The following CNTNAP5 variants were observed in gnomAD, a reference collection of about 807,000 sequenced individuals.
CNTNAP5 encodes contactin associated protein family member 5.
CNTNAP5 carries 72 observed loss-of-function variants against 150.2 expected under a neutral mutation model. The ratio of observed to expected loss-of-function variants is 0.48; its 90% CI spans 0.40 to 0.58. The LOEUF (loss-of-function observed/expected upper bound fraction) is 0.58, where lower values mean the gene tolerates loss of function less well. Ranked by LOEUF, CNTNAP5 falls within the 20% of genes least tolerant of loss-of-function variation. The pLI is 0.00. For missense variants in CNTNAP5, 1,636 were observed against 1,626.2 expected, an observed-to-expected ratio of 1.01 and a Z score of -0.10; for synonymous variants, 672 against 619.8, an observed-to-expected ratio of 1.08 and a Z score of -1.25.
rs144701157 is a variant in CNTNAP5, at chr2:124,751,684, G to T, written c.2234+4299G>T. Among the ~76,000 whole-genome samples the T allele has an allele frequency of 1.5e-3, 223 of 152,298 alleles. 1 individual carries two copies. The highest frequency in any genetic ancestry group is 4.8e-3 in the African/African-American group (201 of 41,562). ...TCAGTGGTGCTCTGTGTGCCTCAGA[G>T]AAACTTTGGATATTCTTGCCTTGTA... On this transcript the variant is annotated intron_variant, in intron 14 of 23. Transcript: ENST00000682447.
In CNTNAP5 at chr2:124,524,347, G is replaced by A. The variant is rs779684862; in HGVS notation, c.1372G>A (p.Ala458Thr). The part of the protein sequence containing the change: ...DGLWHSVSIN[A>T]RRNRITLTLD... Reference sequence around the variant, plus strand: ...CCTGTGGCACTCGGTTAGCATCAACGCCAGGAGGAACCGCATCACGCTCAC... The same window carrying A: ...CCTGTGGCACTCGGTTAGCATCAACACCAGGAGGAACCGCATCACGCTCAC... The change falls in exon 9 of 24, where the codon GCC becomes ACC. Residue 458 changes from alanine to threonine, a missense_variant. By Grantham distance (58) the Ala-to-Thr change is moderately conservative. Transcript: ENST00000682447. The A allele has an allele frequency of 4.3e-6, 7 of 1,613,686 alleles. No individual in the cohort carries two copies. The highest frequency in any genetic ancestry group is 2.7e-5 in the African/African-American group (2 of 74,896).
intron 13 of CNTNAP5, among the ~76,000 whole-genome samples, chr2:124,726,296 G>A (rs1044718808): frequency 7.2e-5 from 11 of 152,152 alleles, no homozygotes; most frequent in African/African-American, 2.7e-4. Flanking sequence ...GAAGGACCTG[G>A]TAAGAGGTGA....
intron 20 of CNTNAP5, among the ~76,000 whole-genome samples, chr2:124,867,964 G>C (rs1243352611): frequency 6.6e-6 from 1 of 152,166 alleles, no homozygotes; most frequent in Non-Finnish European, 1.5e-5. Flanking sequence ...GTTAGTGGCA[G>C]CTTCATTTTT....
intron 3 of CNTNAP5, among the ~76,000 whole-genome samples, chr2:124,264,935 C>A (rs1211660035): frequency 6.6e-6 from 1 of 152,184 alleles, no homozygotes; most frequent in African/African-American, 2.4e-5. Context: ...TGCGACATTT[C>A]CTTTTCCCAA....
At chr2:124,240,863 A>G (rs1686868153) in intron 2 of CNTNAP5, among the ~76,000 whole-genome samples, 1 of 152,134 alleles carries the variant, frequency 6.6e-6, no homozygotes, top group African/African-American at 2.4e-5. Flanking sequence ...ACTCTGCAGG[A>G]GGAGCTGGGG....
In CNTNAP5 at chr2:124,920,865, T is replaced by G. The variant is rs1348290479; in HGVS notation, c.*6577T>G. ...AATGAGAAAGAGTGGGGAGGGTATT[T>G]CAACAAGTAATAAATTGCAGAATAC... is the stretch of plus-strand genomic sequence containing the variant. On this transcript the variant is annotated 3_prime_UTR_variant, in exon 24 of 24. Transcript: ENST00000682447. Among the ~76,000 whole-genome samples the G allele has an allele frequency of 6.6e-6, 1 of 152,086 alleles. No individual in the cohort carries two copies. The highest frequency in any genetic ancestry group is 1.5e-5 in the Non-Finnish European group (1 of 68,008).
At chr2:124,636,285 T>G (rs2105014667) in intron 12 of CNTNAP5, among the ~76,000 whole-genome samples, 1 of 152,300 alleles carries the variant, frequency 6.6e-6, no homozygotes, top group African/African-American at 2.4e-5. Context: ...GTGAAGCTTC[T>G]ATGAGGTAAT....
chr2:124,132,832 A>G (rs1302998245), intron 1 of CNTNAP5, among the ~76,000 whole-genome samples: 1 of 152,052 alleles, frequency 6.6e-6, no homozygotes, highest in Non-Finnish European at 1.5e-5. Context: ...CATGTTCAAT[A>G]CTGTTCAATC....
chr2:124,855,243 T>C (rs1208795088), intron 19 of CNTNAP5, among the ~76,000 whole-genome samples: 2 of 139,054 alleles, frequency 1.4e-5, no homozygotes, highest in Non-Finnish European at 3.1e-5. Context: ...AATGGCACAA[T>C]CTTGGCTCAC....
intron 3 of CNTNAP5, among the ~76,000 whole-genome samples, chr2:124,397,821 G>A (rs1172340995): frequency 6.6e-6 from 1 of 152,136 alleles, no homozygotes; most frequent in African/African-American, 2.4e-5. Flanking sequence ...TGCACATGCA[G>A]CCAGCGATCC....
At chr2:124,811,008 G>A (rs1005595208) in intron 19 of CNTNAP5, among the ~76,000 whole-genome samples, 2 of 150,726 alleles carry the variant, frequency 1.3e-5, no homozygotes, top group Non-Finnish European at 3.0e-5. Context: ...AAGAAAACAG[G>A]CCATTTGGAA....
chr2:124,509,752 T>C (rs1694512966), intron 8 of CNTNAP5, among the ~76,000 whole-genome samples: 1 of 152,208 alleles, frequency 6.6e-6, no homozygotes, highest in African/African-American at 2.4e-5. Context: ...CTTTTACATC[T>C]ATAGATAATC....
At chr2:124,654,005 G>A (rs913961183) in intron 13 of CNTNAP5, among the ~76,000 whole-genome samples, 1 of 150,558 alleles carries the variant, frequency 6.6e-6, no homozygotes, top group Non-Finnish European at 1.5e-5. Flanking sequence ...CAGTGGATGT[G>A]GGGAGCTGCA....
chr2:124,560,402 C>G (rs1214153307), intron 10 of CNTNAP5, among the ~76,000 whole-genome samples: 1 of 151,696 alleles, frequency 6.6e-6, no homozygotes, highest in Admixed American at 6.6e-5. Context: ...TCCTGTAATC[C>G]CAGCTACTCG....
intron 14 of CNTNAP5, among the ~76,000 whole-genome samples, chr2:124,756,947 G>T (rs960278415): frequency 2.0e-5 from 3 of 152,014 alleles, no homozygotes; most frequent in Non-Finnish European, 4.4e-5. Context: ...AAAAAGAAAA[G>T]AAACTAAAGG....
At chr2:124,712,060 T>TG (rs1395967470) in intron 13 of CNTNAP5, among the ~76,000 whole-genome samples, 3 of 152,210 alleles carry the variant, frequency 2.0e-5, no homozygotes, top group Non-Finnish European at 4.4e-5. Context: ...TATCCTTTTA[T>TG]GTCTTATTGG....
At chr2:124,722,428 T>C (rs941460649) in intron 13 of CNTNAP5, among the ~76,000 whole-genome samples, 1 of 152,162 alleles carries the variant, frequency 6.6e-6, no homozygotes, top group African/African-American at 2.4e-5. Flanking sequence ...CAGATAGACA[T>C]TCTCCTGCCA....
chr2:124,087,403 GT>G (rs1682716330), intron 1 of CNTNAP5, among the ~76,000 whole-genome samples: 1 of 151,758 alleles, frequency 6.6e-6, no homozygotes, highest in Non-Finnish European at 1.5e-5. Flanking sequence ...TTCATCTGAG[GT>G]TTTTAAAATT....
intron 19 of CNTNAP5, among the ~76,000 whole-genome samples, chr2:124,842,486 C>G (rs534783936): frequency 2.6e-5 from 4 of 152,126 alleles, no homozygotes; most frequent in African/African-American, 9.7e-5. Context: ...GTGAAGCATA[C>G]AGTAAGGAAA....
Sources: allele counts gnomAD v4.1 joint callset (sites outside exome capture counted in the v4.1 genomes callset), GRCh38; gene constraint gnomAD v4.1.1; transcripts MANE v1.5; gene names NCBI Gene and HGNC (gene_info 2026-07-23, HGNC 2026-07-21).